MAN1C1: variants seen among roughly 807,000 people sequenced by gnomAD.
MAN1C1 encodes mannosyl-oligosaccharide 1,2-alpha-mannosidase IC.
A neutral mutation model predicts 71.5 loss-of-function variants in MAN1C1; 49 were observed. That is an observed-to-expected ratio of 0.69 (90% CI 0.54 to 0.87). The LOEUF (loss-of-function observed/expected upper bound fraction) is 0.87, where lower values mean the gene tolerates loss of function less well. Ranked by LOEUF, MAN1C1 falls within the 40% of genes least tolerant of loss-of-function variation. The probability of loss-of-function intolerance (pLI) is 0.00; values close to 1 mark genes in which losing one functional copy is unlikely to be tolerated. For missense variants in MAN1C1, 743 were observed against 835.0 expected, an observed-to-expected ratio of 0.89 and a Z score of 1.36; for synonymous variants, 352 against 343.7, an observed-to-expected ratio of 1.02 and a Z score of -0.27.
chr1:25,707,109 A>C (rs2046534348), intron 2 of MAN1C1, among the ~76,000 whole-genome samples: 1 of 152,230 alleles, frequency 6.6e-6, no homozygotes, highest in Non-Finnish European at 1.5e-5. Flanking sequence ...AACTAATCAC[A>C]TGAGTTATTT....
intron 2 of MAN1C1, among the ~76,000 whole-genome samples, chr1:25,705,327 G>A (rs1392644748): frequency 6.6e-6 from 1 of 152,212 alleles, no homozygotes; most frequent in East Asian, 1.9e-4. Context: ...GATAAATGCC[G>A]TCTTGTGACC....
intron 2 of MAN1C1, among the ~76,000 whole-genome samples, chr1:25,696,973 A>C (rs2046378684): frequency 6.6e-6 from 1 of 152,096 alleles, no homozygotes. Context: ...GACTTCTATC[A>C]CCATAGATTA....
chr1:25,638,407 A>T (rs2045492996), intron 1 of MAN1C1, among the ~76,000 whole-genome samples: 1 of 152,184 alleles, frequency 6.6e-6, no homozygotes, highest in South Asian at 2.1e-4. Context: ...TTTGCTTTAA[A>T]CAGTCAGTTG....
intron 1 of MAN1C1, among the ~76,000 whole-genome samples, chr1:25,665,854 G>A (rs2045915888): frequency 2.0e-5 from 2 of 101,736 alleles, no homozygotes; most frequent in African/African-American, 1.0e-4. Flanking sequence ...CTTGGCATTG[G>A]CTTTTTTTTT....
chr1:25,735,428 A>G lies in MAN1C1; in HGVS notation c.638-11240A>G, dbSNP rs1235132115. On this transcript the variant is annotated intron_variant, in intron 2 of 11. Transcript: ENST00000374332. This position sits in a 1 kb window ranked among gnomAD's most constrained non-coding sequence, Gnocchi z 4.6. ...AGCGAGACTGTGTCTCAAAATGTGT[A>G]TGTATGTATGTGTATGTATATATAT... Among the ~76,000 whole-genome samples the G allele has an allele frequency of 6.6e-6, 1 of 152,086 alleles. No homozygotes were observed. The highest frequency in any genetic ancestry group is 1.5e-5 in the Non-Finnish European group (1 of 68,006).
intron 8 of MAN1C1, among the ~76,000 whole-genome samples, chr1:25,774,626 C>T (rs907770706): frequency 6.6e-6 from 1 of 152,176 alleles, no homozygotes; most frequent in African/African-American, 2.4e-5. Flanking sequence ...TCCTCACAAC[C>T]AACCCAGGAA....
intron 1 of MAN1C1, among the ~76,000 whole-genome samples, chr1:25,669,588 G>A (rs1017379389): frequency 6.6e-6 from 1 of 151,950 alleles, no homozygotes; most frequent in Non-Finnish European, 1.5e-5. Flanking sequence ...GCAACGTATC[G>A]AGACCCTATC....
chr1:25,684,886 G>A (rs1416882031), intron 1 of MAN1C1, among the ~76,000 whole-genome samples: 1 of 152,244 alleles, frequency 6.6e-6, no homozygotes, highest in Non-Finnish European at 1.5e-5. Flanking sequence ...TGGCCCCTGG[G>A]CCAGCAGCAG....
intron 1 of MAN1C1, among the ~76,000 whole-genome samples, chr1:25,637,299 A>G (rs1414305909): frequency 6.6e-6 from 1 of 152,182 alleles, no homozygotes; most frequent in Non-Finnish European, 1.5e-5. Flanking sequence ...CCTTCTGCCT[A>G]TGTTGAGCTT....
chr1:25,764,569 T>C lies in MAN1C1; in HGVS notation c.1141+602T>C, dbSNP rs1309643911. On this transcript the variant is annotated intron_variant, in intron 7 of 11. Coordinates refer to ENST00000374332, the MANE Select transcript of MAN1C1 (RefSeq NM_020379.4). The surrounding 1 kb of genome is among the most constrained non-coding windows in gnomAD (Gnocchi z 4.4). ...CTGGGACTACAAGCATGTGCCACCA[T>C]GTCTGGCTACTTTTTTTGTATTTTT... Among the ~76,000 whole-genome samples the C allele has an allele frequency of 2.0e-5, 3 of 151,836 alleles. No individual in the cohort carries two copies. The highest frequency in any genetic ancestry group is 4.4e-5 in the Non-Finnish European group (3 of 67,976).
chr1:25,718,890 T>C (rs757780691), intron 2 of MAN1C1, among the ~76,000 whole-genome samples: 3 of 152,128 alleles, frequency 2.0e-5, no homozygotes, highest in Non-Finnish European at 2.9e-5. Flanking sequence ...GCTATGAACA[T>C]TGTGTACAGA....
Position 25,780,990 on chromosome 1 carries a change from G to T in MAN1C1, c.1528G>T (p.Val510Leu). The T allele has an allele frequency of 6.2e-7, 1 of 1,614,164 alleles. No individual in the cohort carries two copies. The highest frequency in any genetic ancestry group is 2.2e-5 in the East Asian group (1 of 44,886). ...AFWFNSGREA[V>L]ATQLSESYYI... ...CTGGTTTAACTCCGGCAGAGAGGCC[G>T]TGGCCACCCAGCTGAGCGAGAGCTA... The change falls in exon 10 of 12, where the codon GTG becomes TTG. Residue 510 changes from valine to leucine, a missense_variant. By Grantham distance (32) the Val-to-Leu change is conservative. Transcript: ENST00000374332.
chr1:25,724,131 C>T (rs1254083586), intron 2 of MAN1C1, among the ~76,000 whole-genome samples: 4 of 151,526 alleles, frequency 2.6e-5, no homozygotes, highest in Admixed American at 1.3e-4. Flanking sequence ...CGGGTTCAAG[C>T]GATTCTCCTG....
chr1:25,702,020 G>A (rs527399850), intron 2 of MAN1C1, among the ~76,000 whole-genome samples: 21 of 152,120 alleles, frequency 1.4e-4, no homozygotes, highest in Non-Finnish European at 2.8e-4. Context: ...AGATCTCACC[G>A]CGGCACTCCA....
intron 2 of MAN1C1, among the ~76,000 whole-genome samples, chr1:25,702,750 G>A (rs1255809590): frequency 6.6e-6 from 1 of 152,190 alleles, no homozygotes; most frequent in Non-Finnish European, 1.5e-5. Flanking sequence ...ACTGTGAAGG[G>A]CTTAAAGTAG....
At chr1:25,684,703 G>A (rs973627023) in intron 1 of MAN1C1, among the ~76,000 whole-genome samples, 12 of 152,218 alleles carry the variant, frequency 7.9e-5, no homozygotes, top group Admixed American at 2.0e-4. Flanking sequence ...TCCTAAGCGC[G>A]GGCACCAGGA....
intron 3 of MAN1C1, among the ~76,000 whole-genome samples, chr1:25,748,265 T>G (rs1170421093): frequency 1.3e-5 from 2 of 152,178 alleles, no homozygotes; most frequent in Non-Finnish European, 2.9e-5. Context: ...ATGGGAATGA[T>G]GACCCTCGCC....
intron 2 of MAN1C1, among the ~76,000 whole-genome samples, chr1:25,705,337 C>T (rs1310832773): frequency 2.0e-5 from 3 of 152,174 alleles, no homozygotes; most frequent in African/African-American, 7.2e-5. Context: ...GTCTTGTGAC[C>T]TGCAGTTTCA....
intron 7 of MAN1C1, among the ~76,000 whole-genome samples, chr1:25,767,149 C>G (rs564288718): frequency 1.3e-5 from 2 of 150,072 alleles, no homozygotes; most frequent in East Asian, 3.9e-4. Flanking sequence ...AGACCACACT[C>G]GTACACACAC....
Sources: gnomAD v4.1 joint callset for allele counts (sites outside exome capture counted in the v4.1 genomes callset) on GRCh38, gnomAD v4.1.1 for gene constraint, Gnocchi (gnomAD v3.1) non-coding constraint, MANE v1.5 for transcripts, NCBI Gene and HGNC (gene_info 2026-07-23, HGNC 2026-07-21) for gene names.